ADGRL3: variants seen among roughly 807,000 people sequenced by gnomAD.
ADGRL3 encodes the protein calcium-independent alpha-latrotoxin receptor 3.
In ADGRL3, 62 loss-of-function variants were observed where a neutral mutation model predicts 153.5. The ratio of observed to expected loss-of-function variants is 0.40; its 90% CI spans 0.33 to 0.50. ADGRL3 has a LOEUF of 0.50. Among genes scored for constraint, ADGRL3 ranks in the 20% least tolerant of loss-of-function variants. ADGRL3 has a pLI of 0.47. For missense variants in ADGRL3, 1,641 were observed against 1,859.4 expected, an observed-to-expected ratio of 0.88 and a Z score of 2.16; for synonymous variants, 710 against 672.5, an observed-to-expected ratio of 1.06 and a Z score of -0.86.
chr4:61,921,888 A>C (rs1042758247), intron 13 of ADGRL3, among the ~76,000 whole-genome samples: 1 of 152,192 alleles, frequency 6.6e-6, no homozygotes, highest in Non-Finnish European at 1.5e-5. Context: ...TGCCATGGAA[A>C]AGAGTAAATG....
At chr4:61,374,818 G>A (rs2151804509) in intron 1 of ADGRL3, among the ~76,000 whole-genome samples, 1 of 151,682 alleles carries the variant, frequency 6.6e-6, no homozygotes, top group Admixed American at 6.6e-5. Context: ...AAAACACTTT[G>A]GCAGAGGTCA....
intron 11 of ADGRL3, among the ~76,000 whole-genome samples, chr4:61,902,978 T>C (rs2149727816): frequency 6.6e-6 from 1 of 152,318 alleles, no homozygotes; most frequent in Non-Finnish European, 1.5e-5. Flanking sequence ...GAGATTCAAA[T>C]GTTCATCAGA....
intron 8 of ADGRL3, among the ~76,000 whole-genome samples, chr4:61,743,971 T>A (rs538109760): frequency 2.2e-4 from 33 of 152,088 alleles, no homozygotes; most frequent in Middle Eastern, 3.4e-3. Context: ...AAGAAAGGGG[T>A]TACAGACAGC....
intron 1 of ADGRL3, among the ~76,000 whole-genome samples, chr4:61,309,088 T>A (rs1220610242): frequency 2.0e-5 from 3 of 152,190 alleles, no homozygotes; most frequent in Non-Finnish European, 4.4e-5. Flanking sequence ...CAAAATTTAC[T>A]TTGAGTCATG....
intron 5 of ADGRL3, among the ~76,000 whole-genome samples, chr4:61,647,092 C>A (rs1014103344): frequency 2.0e-5 from 3 of 152,270 alleles, no homozygotes; most frequent in Non-Finnish European, 4.4e-5. Flanking sequence ...CTCCCTGACC[C>A]CTTGTGCTTC....
intron 2 of ADGRL3, among the ~76,000 whole-genome samples, chr4:61,423,265 T>C (rs1050037180): frequency 2.0e-5 from 3 of 152,184 alleles, no homozygotes; most frequent in African/African-American, 7.2e-5. Context: ...CCAGAAAACG[T>C]TGACCATTTC....
intron 2 of ADGRL3, among the ~76,000 whole-genome samples, chr4:61,454,952 G>A (rs2097717329): frequency 6.6e-6 from 1 of 151,980 alleles, no homozygotes; most frequent in Admixed American, 6.6e-5. Flanking sequence ...CAGTGACAAT[G>A]GTGTTAACAG....
chr4:61,587,231 C>G lies in ADGRL3; in HGVS notation c.264C>G (p.Phe88Leu). ...TCTTCCTCTTCCTTTTGGCAGCTTTCAGCCGTGCCCCAATTCCAATGGCTG... is the reference window on the plus strand; with the variant it reads ...TCTTCCTCTTCCTTTTGGCAGCTTTGAGCCGTGCCCCAATTCCAATGGCTG... ...AQGAQIAAQA[F>L]SRAPIPMAVV... Residue 88 changes from phenylalanine to leucine, a missense_variant, in exon 5 of 27, where the codon TTC becomes TTG. By Grantham distance (22) the Phe-to-Leu change is conservative. This residue lies in a region of ADGRL3 where 145 missense variants were observed against 79.1 expected (regional missense o/e 1.83). Coordinates refer to ENST00000683033, the MANE Select transcript of ADGRL3 (RefSeq NM_001387552.1). 6.2e-7 allele frequency: 1 copy of G among 1,601,448 alleles called. No homozygotes were observed. The highest frequency in any genetic ancestry group is 1.1e-5 in the South Asian group (1 of 89,120).
At chr4:61,257,535 A>G (rs190885197) in intron 1 of ADGRL3, among the ~76,000 whole-genome samples, 153 of 152,298 alleles carry the variant, frequency 1.0e-3, no homozygotes, top group Non-Finnish European at 1.6e-3. Flanking sequence ...TAAGAAGATT[A>G]GGGTTCTTTG....
At chr4:61,820,443 G>GA (rs35601971) in intron 9 of ADGRL3, among the ~76,000 whole-genome samples, 7,629 of 152,198 alleles carry the variant, frequency 0.05, 259 homozygotes, top group Non-Finnish European at 0.073. Flanking sequence ...ACTATAAATA[G>GA]AAAAATAGTC....
At chr4:61,795,280 A>G (rs1000115847) in intron 8 of ADGRL3, among the ~76,000 whole-genome samples, 1 of 152,106 alleles carries the variant, frequency 6.6e-6, no homozygotes, top group Non-Finnish European at 1.5e-5. Flanking sequence ...GGCACAATCC[A>G]CTATGCCCAG....
At chr4:61,627,251 A>C (rs2092887843) in intron 5 of ADGRL3, among the ~76,000 whole-genome samples, 1 of 152,164 alleles carries the variant, frequency 6.6e-6, no homozygotes, top group African/African-American at 2.4e-5. Flanking sequence ...TGTGCAAAAA[A>C]AATAAACTTA....
At chr4:61,267,688 CCTCT>C (rs1237851038) in intron 1 of ADGRL3, among the ~76,000 whole-genome samples, 3 of 151,552 alleles carry the variant, frequency 2.0e-5, no homozygotes, top group African/African-American at 7.3e-5. Flanking sequence ...TCTTTTCCCG[CCTCT>C]CTCTCATGTA....
intron 5 of ADGRL3, among the ~76,000 whole-genome samples, chr4:61,597,251 A>G (rs1050960806): frequency 1.3e-4 from 20 of 152,176 alleles, no homozygotes; most frequent in African/African-American, 4.8e-4. Flanking sequence ...GAATGCTGTA[A>G]TATAAAAAGA....
chr4:61,884,396 A>C (rs531856894), intron 9 of ADGRL3, among the ~76,000 whole-genome samples: 30 of 152,264 alleles, frequency 2.0e-4, no homozygotes, highest in African/African-American at 7.2e-4. Flanking sequence ...ATAAATGCTC[A>C]AGAAATGCCA....
At chr4:61,428,632 G>T (rs2097310785) in intron 2 of ADGRL3, among the ~76,000 whole-genome samples, 1 of 152,148 alleles carries the variant, frequency 6.6e-6, no homozygotes, top group East Asian at 1.9e-4. Flanking sequence ...TATGTGATTT[G>T]GTAGTTATGT....
At chr4:61,736,066 T>C (rs557632252) in intron 8 of ADGRL3, among the ~76,000 whole-genome samples, 34 of 152,214 alleles carry the variant, frequency 2.2e-4, no homozygotes, top group African/African-American at 7.9e-4. Context: ...ACTATACATA[T>C]ATGTATAAAT....
chr4:61,449,173 G>T (rs1433540752), intron 2 of ADGRL3, among the ~76,000 whole-genome samples: 1 of 151,786 alleles, frequency 6.6e-6, no homozygotes, highest in African/African-American at 2.4e-5. Context: ...GTCTCACTCT[G>T]TCGCCAGGCT....
chr4:61,869,825 C>T (rs2098426152), intron 9 of ADGRL3, among the ~76,000 whole-genome samples: 1 of 150,328 alleles, frequency 6.7e-6, no homozygotes, highest in South Asian at 2.1e-4. Context: ...GTAATCCCAG[C>T]TACTCCGGAA....
Sources: allele counts gnomAD v4.1 joint callset (sites outside exome capture counted in the v4.1 genomes callset), GRCh38; gene constraint gnomAD v4.1.1; regional missense constraint gnomAD v4.1.1; transcripts MANE v1.5; gene names NCBI Gene and HGNC (gene_info 2026-07-23, HGNC 2026-07-21).